KALRN: variants seen among roughly 807,000 people sequenced by gnomAD.
KALRN encodes the protein kalirin RhoGEF kinase, also known as kalirin.
A neutral mutation model predicts 353.7 loss-of-function variants in KALRN; 70 were observed. That is an observed-to-expected ratio of 0.20 (90% CI 0.16 to 0.24). The LOEUF (loss-of-function observed/expected upper bound fraction) is 0.24. Ranked by LOEUF, KALRN falls within the 10% of genes least tolerant of loss-of-function variation. The pLI is 1.00. For synonymous variants in KALRN, 1,391 were observed against 1,434.8 expected, an observed-to-expected ratio of 0.97 and a Z score of 0.69; for missense variants, 2,791 against 3,756.7, an observed-to-expected ratio of 0.74 and a Z score of 6.72.
chr3:124,687,236 ACATAAAGG>A (rs2061604339), intron 51 of KALRN, among the ~76,000 whole-genome samples: 1 of 152,146 alleles, frequency 6.6e-6, no homozygotes, highest in South Asian at 2.1e-4. Flanking sequence ...AAACACTCAT[ACATAAAGG>A]CATTATCCAA....
chr3:124,117,607 T>C (rs1054101138), intron 1 of KALRN, among the ~76,000 whole-genome samples: 51 of 152,136 alleles, frequency 3.4e-4, no homozygotes, highest in Middle Eastern at 3.4e-3. Flanking sequence ...CCGGAAGAAG[T>C]AGAGGAACAT....
At chr3:124,697,042 T>C (rs1380016977) in intron 54 of KALRN, among the ~76,000 whole-genome samples, 1 of 152,078 alleles carries the variant, frequency 6.6e-6, no homozygotes, top group Non-Finnish European at 1.5e-5. Flanking sequence ...ACCTCAGCCT[T>C]CCAACTAGCT....
intron 24 of KALRN, among the ~76,000 whole-genome samples, chr3:124,462,279 A>G (rs1005961551): frequency 6.6e-6 from 1 of 152,236 alleles, no homozygotes; most frequent in African/African-American, 2.4e-5. Context: ...TGACCCCCAT[A>G]AAAGTCCACA....
chr3:124,576,694 C>G (rs975299834), intron 34 of KALRN, among the ~76,000 whole-genome samples: 5 of 152,168 alleles, frequency 3.3e-5, no homozygotes, highest in Non-Finnish European at 7.3e-5. Context: ...ATCCACTTTC[C>G]ATTTGACTCA....
chr3:124,207,828 C>T (rs1163127320), intron 1 of KALRN, among the ~76,000 whole-genome samples: 1 of 152,168 alleles, frequency 6.6e-6, no homozygotes, highest in Non-Finnish European at 1.5e-5. Flanking sequence ...AAGCATCTAC[C>T]ACAAAGTCCC....
chr3:124,238,676 C>T (rs563488992), intron 3 of KALRN, among the ~76,000 whole-genome samples: 1 of 152,278 alleles, frequency 6.6e-6, no homozygotes, highest in African/African-American at 2.4e-5. Flanking sequence ...TTGTCTATAC[C>T]TTAAATCCTA....
intron 34 of KALRN, among the ~76,000 whole-genome samples, chr3:124,585,828 A>AC (rs1561346249): frequency 6.6e-6 from 1 of 152,044 alleles, no homozygotes; most frequent in Non-Finnish European, 1.5e-5. Flanking sequence ...TCTGGCCTCC[A>AC]CCCCCATTTA....
At chr3:124,663,245 C>A (rs115555516) in intron 45 of KALRN, among the ~76,000 whole-genome samples, 3,151 of 152,310 alleles carry the variant, frequency 0.021, 93 homozygotes, top group African/African-American at 0.071. Flanking sequence ...CCACACTGGG[C>A]CGTTTCCTTT....
chr3:124,230,083 G>A (rs1312807323), intron 2 of KALRN, among the ~76,000 whole-genome samples: 1 of 152,246 alleles, frequency 6.6e-6, no homozygotes, highest in Non-Finnish European at 1.5e-5. Context: ...AGGCCACTGA[G>A]CAGTGCCAGG....
At chr3:124,124,820 T>C (rs1387650668) in intron 1 of KALRN, among the ~76,000 whole-genome samples, 1 of 152,234 alleles carries the variant, frequency 6.6e-6, no homozygotes, top group East Asian at 1.9e-4. Flanking sequence ...AATATGTACA[T>C]TGTTTTTTAG....
intron 33 of KALRN, among the ~76,000 whole-genome samples, chr3:124,520,994 A>G (rs1004593698): frequency 6.6e-6 from 1 of 152,214 alleles, no homozygotes; most frequent in Non-Finnish European, 1.5e-5. Flanking sequence ...CCAGGTGCCC[A>G]GCCTGGGGTC....
chr3:124,671,826 G>A lies in KALRN; in HGVS notation c.6870G>A (p.Leu2290=). 1 of 1,614,186 alleles carries A rather than the reference G, an allele frequency of 6.2e-7. No individual in the cohort carries two copies. The part of the protein sequence containing the change: ...GSSYNPPLPP[L]KISTSNGSPG... The stretch of plus-strand genomic sequence containing the variant: ...GCTATAACCCACCTCTGCCTCCCCT[G>A]AAGATATCTACCTCCAATGGCAGTC... The change falls in exon 48 of 60, where the codon CTG becomes CTA. Residue 2290 remains leucine (L), a synonymous_variant. Coordinates refer to ENST00000682506, the MANE Select transcript of KALRN (RefSeq NM_001388419.1).
At chr3:124,235,501 G>GCTTATGTATT (rs1553864209) in intron 3 of KALRN, among the ~76,000 whole-genome samples, 1 of 151,974 alleles carries the variant, frequency 6.6e-6, no homozygotes, top group South Asian at 2.1e-4. Flanking sequence ...CAAGGACATA[G>GCTTATGTATT]TTGAGACGGA....
chr3:124,604,438 T>C (rs34722804), intron 34 of KALRN, among the ~76,000 whole-genome samples: 16,843 of 152,120 alleles, frequency 0.11, 2,113 homozygotes, highest in East Asian at 0.43. Context: ...TGTTTCTTTA[T>C]AACCTTGTGA....
chr3:124,694,870 A>C (rs2061978627), intron 53 of KALRN, among the ~76,000 whole-genome samples: 1 of 152,210 alleles, frequency 6.6e-6, no homozygotes, highest in African/African-American at 2.4e-5. Flanking sequence ...ATCTCAAGTC[A>C]AGCATGCACC....
intron 33 of KALRN, among the ~76,000 whole-genome samples, chr3:124,501,891 T>G (rs540242644): frequency 6.6e-6 from 1 of 152,192 alleles, no homozygotes; most frequent in Non-Finnish European, 1.5e-5. Flanking sequence ...TTCTGGTACA[T>G]AGAAAACCAG....
chr3:124,669,316 A>G (rs959393659), intron 47 of KALRN, among the ~76,000 whole-genome samples: 20 of 152,344 alleles, frequency 1.3e-4, no homozygotes, highest in Admixed American at 1.3e-3. Context: ...TGAAGAAAGA[A>G]ACAGGATCAG....
chr3:124,195,843 C>T (rs138977342), intron 1 of KALRN, among the ~76,000 whole-genome samples: 1 of 152,332 alleles, frequency 6.6e-6, no homozygotes, highest in East Asian at 1.9e-4. Flanking sequence ...ACGCTTGCAT[C>T]AAACTCACCT....
At chr3:124,277,154 C>T (rs761941484) in intron 5 of KALRN, among the ~76,000 whole-genome samples, 1 of 152,190 alleles carries the variant, frequency 6.6e-6, no homozygotes, top group Non-Finnish European at 1.5e-5. Flanking sequence ...ACTGGACAGG[C>T]CTCCAGAGGG....
Sources: allele counts gnomAD v4.1 joint callset (sites outside exome capture counted in the v4.1 genomes callset), GRCh38; gene constraint gnomAD v4.1.1; transcripts MANE v1.5; gene names NCBI Gene and HGNC (gene_info 2026-07-23, HGNC 2026-07-21).